The following ADCY10 variants were observed in gnomAD, a reference collection of about 807,000 sequenced individuals.
ADCY10 encodes the protein adenylate cyclase 10.
Under a neutral mutation model 183.3 loss-of-function variants are expected in ADCY10, and 156 were observed. The ratio of observed to expected loss-of-function variants is 0.85; its 90% CI spans 0.75 to 0.97. The LOEUF is 0.97. Ranked by LOEUF, ADCY10 falls within the 50% of genes least tolerant of loss-of-function variation. The pLI, the probability that ADCY10 is intolerant of heterozygous loss-of-function variation, is 0.00. For synonymous variants in ADCY10, 645 were observed against 670.0 expected, an observed-to-expected ratio of 0.96 and a Z score of 0.58; for missense variants, 1,745 against 1,934.3, an observed-to-expected ratio of 0.90 and a Z score of 1.84.
chr1:167,859,373 G>C (rs987966762), intron 16 of ADCY10, among the ~76,000 whole-genome samples: 1 of 152,176 alleles, frequency 6.6e-6, no homozygotes, highest in African/African-American at 2.4e-5. Context: ...ACATCCCAGT[G>C]AGCTACGTAC....
At chr1:167,813,567 G>A in intron 31 of ADCY10, among the ~76,000 whole-genome samples, 1 of 152,072 alleles carries the variant, frequency 6.6e-6, no homozygotes, top group East Asian at 1.9e-4. Flanking sequence ...GCCCTGTAGG[G>A]TAAAATGAAA....
At chr1:167,896,507 C>A (rs1557825838) in intron 7 of ADCY10, 88 bp downstream of exon 7, 1 of 1,070,342 alleles carries the variant, frequency 9.3e-7, no homozygotes, top group Non-Finnish European at 1.5e-6. Flanking sequence ...GAGGAGCCCA[C>A]CCACCAGTAA....
intron 25 of ADCY10, 68 bp downstream of exon 25, chr1:167,832,917 CTT>C: frequency 6.4e-7 from 1 of 1,550,576 alleles, no homozygotes; most frequent in Non-Finnish European, 8.9e-7. Context: ...TGGGGGCTGA[CTT>C]GGATTATGTG....
intron 21 of ADCY10, among the ~76,000 whole-genome samples, chr1:167,841,836 G>T (rs1664675293): frequency 6.6e-6 from 1 of 152,044 alleles, no homozygotes. Context: ...ATGCTGTTTT[G>T]TTCACCGATG....
At chr1:167,875,851 G>T (rs1037557691) in intron 12 of ADCY10, among the ~76,000 whole-genome samples, 3 of 152,182 alleles carry the variant, frequency 2.0e-5, no homozygotes, top group Non-Finnish European at 4.4e-5. Context: ...TACTCAGGGG[G>T]CTGAGGCAGG....
Position 167,834,017 on chromosome 1 carries a change from A to G in ADCY10, c.3370T>C (p.Trp1124Arg), listed in dbSNP as rs1189979346. ...LLKTLKKDKS[W>R]SQTFESATFY... ...GTGGCAGACTCAAATGTCTGGCTCC[A>G]AGATTTGTCCTTCTTGAGAGTTTTT... The change falls in exon 24 of 33, where the codon TGG (tryptophan) becomes CGG (arginine). Residue 1124 changes from tryptophan (W) to arginine (R), a missense_variant. Physicochemically the swap from Trp to Arg is moderately radical, Grantham distance 101. Coordinates refer to ENST00000367851, the MANE Select transcript of ADCY10 (RefSeq NM_018417.6). 3 of 1,614,218 alleles carry G rather than the reference A, an allele frequency of 1.9e-6. No individual in the cohort carries two copies. Among genetic ancestry groups the G allele is most frequent in the East Asian group, 2.2e-5 (1 of 44,888 alleles).
Position 167,859,779 on chromosome 1 carries a change from C to T in ADCY10, c.1896+28G>A, listed in dbSNP as rs149661337. The T allele has an allele frequency of 1.1e-3, 1,730 of 1,561,018 alleles. 20 individuals are homozygous for T. The African/African-American group carries it at 0.02, about 18-fold the overall frequency. ...GGTGATTTGCCCAGTTTTCTTCCCCCTACTTCTTGACCCACAGATGCTCTT... is the reference window on the plus strand; with the variant it reads ...GGTGATTTGCCCAGTTTTCTTCCCCTTACTTCTTGACCCACAGATGCTCTT... On this transcript the variant is annotated intron_variant, in intron 16 of 32. Transcript: ENST00000367851.
chr1:167,873,666 G>A (rs1196102448), intron 13 of ADCY10, among the ~76,000 whole-genome samples: 1 of 151,918 alleles, frequency 6.6e-6, no homozygotes, highest in Non-Finnish European at 1.5e-5. Flanking sequence ...TTACAATAAG[G>A]TCCCTATCAC....
At chr1:167,820,218 G>C in intron 30 of ADCY10, 3 of 1,543,290 alleles carry the variant, frequency 1.9e-6, no homozygotes, top group Non-Finnish European at 2.6e-6. Context: ...GCTTCTCCTC[G>C]TTCCACAGGG....
At chr1:167,827,290 C>A (rs1397315964) in intron 26 of ADCY10, among the ~76,000 whole-genome samples, 1 of 151,720 alleles carries the variant, frequency 6.6e-6, no homozygotes, top group East Asian at 1.9e-4. Flanking sequence ...GCCTCAGCCT[C>A]CCGAGTAGCT....
At chr1:167,822,717 T>A (rs150690893) in intron 29 of ADCY10, among the ~76,000 whole-genome samples, 25 of 152,340 alleles carry the variant, frequency 1.6e-4, no homozygotes, top group African/African-American at 5.8e-4. Context: ...AGGCACATAG[T>A]AAGACAGTCA....
At chr1:167,847,620 A>G (rs1017438832) in intron 19 of ADCY10, among the ~76,000 whole-genome samples, 3 of 151,858 alleles carry the variant, frequency 2.0e-5, no homozygotes, top group Non-Finnish European at 4.4e-5. Flanking sequence ...GGGTTTCTCC[A>G]TGTTGGTCAG....
chr1:167,869,367 T>C (rs1666924589), intron 14 of ADCY10, among the ~76,000 whole-genome samples: 1 of 152,110 alleles, frequency 6.6e-6, no homozygotes, highest in South Asian at 2.1e-4. Context: ...AAGGCATAAG[T>C]GGCAAAAATA....
chr1:167,903,653 A>T (rs765174942), intron 3 of ADCY10, among the ~76,000 whole-genome samples: 3 of 152,212 alleles, frequency 2.0e-5, no homozygotes, highest in Non-Finnish European at 4.4e-5. Flanking sequence ...TGTATAATTC[A>T]GCCCTCTAAC....
At chr1:167,823,234 G>A (rs2101864553) in intron 28 of ADCY10, 111 bp from the exon 29 acceptor site, 1 of 798,574 alleles carries the variant, frequency 1.3e-6, no homozygotes, top group Middle Eastern at 2.8e-4. Context: ...AGACCAGCCT[G>A]GCCAACATGG....
intron 1 of ADCY10, among the ~76,000 whole-genome samples, chr1:167,907,516 G>A (rs1252055772): frequency 6.6e-6 from 1 of 152,164 alleles, no homozygotes; most frequent in Non-Finnish European, 1.5e-5. Flanking sequence ...TCCCAGAAGT[G>A]ACGTATTTCA....
intron 17 of ADCY10, among the ~76,000 whole-genome samples, chr1:167,854,984 T>C (rs189388792): frequency 6.6e-6 from 1 of 152,236 alleles, no homozygotes; most frequent in African/African-American, 2.4e-5. Context: ...AACAGCCAGC[T>C]AAAGAAAAAA....
chr1:167,852,897 G>A (rs1327815456), intron 18 of ADCY10, among the ~76,000 whole-genome samples: 1 of 152,202 alleles, frequency 6.6e-6, no homozygotes, highest in Non-Finnish European at 1.5e-5. Context: ...AACAAGAAGT[G>A]AGAGGCAACA....
intron 14 of ADCY10, among the ~76,000 whole-genome samples, chr1:167,863,900 C>T (rs1388586501): frequency 1.3e-5 from 2 of 152,224 alleles, no homozygotes; most frequent in East Asian, 1.9e-4. Context: ...TGATCACCCA[C>T]GGCGTGCCTT....
Sources: allele counts gnomAD v4.1 joint callset (sites outside exome capture counted in the v4.1 genomes callset), GRCh38; gene constraint gnomAD v4.1.1; transcripts MANE v1.5; gene names NCBI Gene and HGNC (gene_info 2026-07-23, HGNC 2026-07-21).